DMD: variants seen among roughly 807,000 people sequenced by gnomAD.
DMD encodes the protein dystrophin, also known as mutant dystrophin.
DMD carries 63 observed loss-of-function variants against 330.1 expected under a neutral mutation model. That is an observed-to-expected ratio of 0.19 (90% CI 0.16 to 0.24). The LOEUF (loss-of-function observed/expected upper bound fraction) is 0.24. DMD is among the 10% of genes least tolerant of loss of function. The pLI is 1.00. For synonymous variants in DMD, 1,223 were observed against 959.8 expected, an observed-to-expected ratio of 1.27 and a Z score of -5.07; for missense variants, 3,344 against 2,684.1, an observed-to-expected ratio of 1.25 and a Z score of -5.43.
chrX:32,851,303 T>C (rs918627524), intron 2 of DMD, among the ~76,000 whole-genome samples: 2 of 112,220 alleles, frequency 1.8e-5, no homozygotes, highest in Non-Finnish European at 3.8e-5. Context: ...CCAGTCCCTG[T>C]GTGCCCAGCT....
In DMD at chrX:31,694,649, T is replaced by TATAC. The variant is rs1156942395; in HGVS notation, c.7661-15064_7661-15063insGTAT. ...ATATATATATATATATATATATATA[T>TATAC]ACACACACATATATGTATAATACTC... is the stretch of plus-strand genomic sequence containing the variant. On this transcript the variant is annotated intron_variant, in intron 52 of 78. Coordinates refer to ENST00000357033, the MANE Select transcript of DMD (RefSeq NM_004006.3). 5.3e-5 allele frequency among the ~76,000 whole-genome samples: 4 copies of TATAC among 75,641 alleles called. No individual in the cohort carries two copies. In the East Asian group the frequency reaches 1.2e-3, roughly 22 times the overall value. The allele number at this position is 75,641 out of a possible 115,157, so 65.7% of individuals were successfully genotyped here.
chrX:32,762,360 A>G (rs1204492417), intron 7 of DMD, among the ~76,000 whole-genome samples: 1 of 110,814 alleles, frequency 9.0e-6, no homozygotes, highest in Non-Finnish European at 1.9e-5. Flanking sequence ...TTTTTCACCT[A>G]CCATCTCTTC....
rs142411625 is a variant in DMD, at chrX:31,481,163, T to C, written c.8548-2060A>G. ...ACACTATTGCTATCTGGAAATACAT[T>C]AGATTTTTAAACCAGAATTTGAAGC... is the stretch of plus-strand genomic sequence containing the variant. On this transcript the variant is annotated intron_variant, in intron 57 of 78. Transcript: ENST00000357033. Among the ~76,000 whole-genome samples, 522 of 112,271 alleles carry C rather than the reference T, an allele frequency of 4.6e-3. 2 individuals carry two copies. The highest frequency in any genetic ancestry group is 0.016 in the African/African-American group (489 of 30,948).
At chrX:32,325,359 A>G (rs1443119150) in intron 41 of DMD, among the ~76,000 whole-genome samples, 1 of 111,653 alleles carries the variant, frequency 9.0e-6, no homozygotes, top group Non-Finnish European at 1.9e-5. Flanking sequence ...AGCACTAAAG[A>G]GTAGATGCAA....
chrX:32,227,821 T>C (rs900579838), intron 43 of DMD, among the ~76,000 whole-genome samples: 1 of 111,635 alleles, frequency 9.0e-6, no homozygotes, highest in African/African-American at 3.3e-5. Flanking sequence ...ATTCTTTAGA[T>C]TTCTAAAGTG....
At chrX:32,218,291 T>C (rs189125459) in intron 43 of DMD, among the ~76,000 whole-genome samples, 151 of 111,658 alleles carry the variant, frequency 1.4e-3, no homozygotes, top group East Asian at 7.4e-3. Context: ...GTGATTTCAA[T>C]GTACAGTCAA....
chrX:31,943,878 T>TGAGAGAGAGAGAGAGA (rs536982335), intron 45 of DMD, among the ~76,000 whole-genome samples: 6 of 74,497 alleles, frequency 8.1e-5, no homozygotes, highest in East Asian at 4.5e-4. Context: ...CCCCAGAGAG[T>TGAGAGAGAGAGAGAGA]GAGAGAGAGA....
At chrX:31,397,687 G>A (rs950786846) in intron 60 of DMD, among the ~76,000 whole-genome samples, 3 of 112,519 alleles carry the variant, frequency 2.7e-5, no homozygotes, top group Non-Finnish European at 3.8e-5. Context: ...GAGAGAAAGC[G>A]AACAGGAGGA....
chrX:32,847,659 A>C (rs1306803923), intron 3 of DMD, among the ~76,000 whole-genome samples: 1 of 111,971 alleles, frequency 8.9e-6, no homozygotes, highest in Non-Finnish European at 1.9e-5. Context: ...AACAATGGTG[A>C]ATGGATTCTG....
chrX:32,636,373 T>A (rs1167498387), intron 11 of DMD, among the ~76,000 whole-genome samples: 1 of 111,904 alleles, frequency 8.9e-6, no homozygotes, highest in Non-Finnish European at 1.9e-5. Context: ...TAATATAAAG[T>A]TCCCCATCCA....
chrX:32,115,013 A>T (rs1285242231), intron 44 of DMD, among the ~76,000 whole-genome samples: 3 of 112,028 alleles, frequency 2.7e-5, no homozygotes, highest in Admixed American at 1.9e-4. Flanking sequence ...TCAACATTTG[A>T]CACTGTTTTT....
intron 44 of DMD, among the ~76,000 whole-genome samples, chrX:32,208,917 A>G (rs2097082444): frequency 8.9e-6 from 1 of 111,872 alleles, no homozygotes; most frequent in Admixed American, 9.6e-5. Context: ...AAGGAAGCTC[A>G]ATGTAAGAGA....
intron 4 of DMD, among the ~76,000 whole-genome samples, chrX:32,844,142 C>T (rs1432725644): frequency 9.9e-5 from 11 of 111,511 alleles, no homozygotes; most frequent in African/African-American, 2.6e-4. Flanking sequence ...CGGTGGCTCA[C>T]GCCTGTAATC....
intron 45 of DMD, among the ~76,000 whole-genome samples, chrX:31,949,140 G>C: frequency 9.0e-6 from 1 of 110,714 alleles, no homozygotes; most frequent in Non-Finnish European, 1.9e-5. Context: ...TAAATTGTGG[G>C]ATCAATTTTT....
At chrX:33,010,767 A>G (rs1222195279) in intron 2 of DMD, among the ~76,000 whole-genome samples, 1 of 110,763 alleles carries the variant, frequency 9.0e-6, no homozygotes, top group Non-Finnish European at 1.9e-5. Context: ...TGAGGGTTCA[A>G]TAAATTCCTC....
chrX:32,438,646 T>C (rs1189710787), intron 28 of DMD, among the ~76,000 whole-genome samples: 1 of 111,866 alleles, frequency 8.9e-6, no homozygotes, highest in Admixed American at 9.5e-5. Context: ...ACCTTTTTCC[T>C]TGACGTCCCC....
At chrX:32,190,893 G>T (rs1417917715) in intron 44 of DMD, among the ~76,000 whole-genome samples, 2 of 108,995 alleles carry the variant, frequency 1.8e-5, no homozygotes, top group East Asian at 5.8e-4. Context: ...GGATTTCCTG[G>T]TATCTTTATC....
chrX:32,374,128 C>T (rs1362288380), intron 34 of DMD, among the ~76,000 whole-genome samples: 2 of 110,458 alleles, frequency 1.8e-5, no homozygotes, highest in Non-Finnish European at 3.8e-5. Flanking sequence ...TATTCACGTT[C>T]TTTGTCCTGT....
At chrX:33,083,743 C>T (rs2094964117) in intron 1 of DMD, among the ~76,000 whole-genome samples, 1 of 111,694 alleles carries the variant, frequency 9.0e-6, no homozygotes, top group Non-Finnish European at 1.9e-5. Context: ...GTATGAGAAA[C>T]CTCCTCAAAA....
Sources: allele counts gnomAD v4.1 joint callset (sites outside exome capture counted in the v4.1 genomes callset), GRCh38; gene constraint gnomAD v4.1.1; transcripts MANE v1.5; gene names NCBI Gene and HGNC (gene_info 2026-07-23, HGNC 2026-07-21).